Variants in TMEM132D observed in about 807,000 individuals in gnomAD.
TMEM132D encodes the protein mature OL transmembrane protein.
A neutral mutation model predicts 62.3 loss-of-function variants in TMEM132D; 21 were observed. That is an observed-to-expected ratio of 0.34 (90% CI 0.24 to 0.49). The LOEUF (loss-of-function observed/expected upper bound fraction) is 0.49, where lower values mean the gene tolerates loss of function less well. TMEM132D is among the 20% of genes least tolerant of loss of function. TMEM132D has a pLI of 0.99. For missense variants in TMEM132D, 1,346 were observed against 1,402.8 expected (o/e 0.96, Z 0.65); for synonymous variants, 621 against 575.6 (o/e 1.08, Z -1.13).
chr12:129,710,522 C>G (rs752513952), intron 1 of TMEM132D, among the ~76,000 whole-genome samples: 7 of 152,138 alleles, frequency 4.6e-5, no homozygotes, highest in Non-Finnish European at 8.8e-5. Context: ...GTCTCGAACT[C>G]CCGACCTCAG....
intron 5 of TMEM132D, among the ~76,000 whole-genome samples, chr12:129,192,844 T>C (rs1057356383): frequency 1.3e-5 from 2 of 152,144 alleles, no homozygotes; most frequent in Non-Finnish European, 2.9e-5. Flanking sequence ...AATCACTATA[T>C]ACAACACTAC....
intron 1 of TMEM132D, among the ~76,000 whole-genome samples, chr12:129,874,163 A>G (rs1470898318): frequency 6.6e-6 from 1 of 152,236 alleles, no homozygotes; most frequent in East Asian, 1.9e-4. Context: ...AAGTCTTCTT[A>G]CCACAAAATA....
chr12:129,767,200 T>C (rs943573623), intron 1 of TMEM132D, among the ~76,000 whole-genome samples: 13 of 152,234 alleles, frequency 8.5e-5, no homozygotes, highest in South Asian at 2.1e-4. Context: ...CTGAAAAGCA[T>C]AAAAGCTTTC....
At chr12:129,441,841 A>G (rs1232414829) in intron 3 of TMEM132D, among the ~76,000 whole-genome samples, 5 of 152,220 alleles carry the variant, frequency 3.3e-5, no homozygotes, top group Non-Finnish European at 5.9e-5. Flanking sequence ...TTGCAGCAAC[A>G]TGGATGCAGT....
chr12:129,213,256 G>A (rs1000291066), intron 4 of TMEM132D, among the ~76,000 whole-genome samples: 7 of 152,198 alleles, frequency 4.6e-5, no homozygotes, highest in African/African-American at 1.7e-4. Context: ...CCTTTGGGAG[G>A]CTGAGGCAGG....
chr12:129,824,022 T>A (rs1228410282), intron 1 of TMEM132D, among the ~76,000 whole-genome samples: 1 of 152,104 alleles, frequency 6.6e-6, no homozygotes, highest in Admixed American at 6.6e-5. Context: ...ATGACAGCCC[T>A]GTGAGGGACA....
At chr12:129,583,297 G>A (rs1049175528) in intron 2 of TMEM132D, among the ~76,000 whole-genome samples, 1 of 152,190 alleles carries the variant, frequency 6.6e-6, no homozygotes, top group African/African-American at 2.4e-5. Flanking sequence ...CTATAGTGAT[G>A]GGAAGCAGAT....
chr12:129,812,809 A>G lies in TMEM132D; in HGVS notation c.79+90452T>C, dbSNP rs192758823. Among the ~76,000 whole-genome samples, 222 of 151,626 alleles carry G rather than the reference A, an allele frequency of 1.5e-3. 4 individuals carry two copies. The highest frequency in any genetic ancestry group is 4.9e-3 in the African/African-American group (204 of 41,348). ...AGATGTGGCCCCCCTTAACCTCTCC[A>G]TACTGTCTCCCTAAGAGTTCTTCCA... On this transcript the variant is annotated intron_variant, in intron 1 of 8. Transcript: ENST00000422113.
intron 1 of TMEM132D, among the ~76,000 whole-genome samples, chr12:129,826,757 A>AG (rs1437901034): frequency 6.6e-6 from 1 of 152,202 alleles, no homozygotes; most frequent in African/African-American, 2.4e-5. Flanking sequence ...ATGGACTAGC[A>AG]GGGTCAGAGG....
chr12:129,121,248 A>T (rs982353117), intron 5 of TMEM132D, among the ~76,000 whole-genome samples: 1 of 152,074 alleles, frequency 6.6e-6, no homozygotes, highest in Non-Finnish European at 1.5e-5. Context: ...GGTGTGCACC[A>T]CCATGCCTGG....
chr12:129,503,973 CACT>C (rs1157632601), intron 3 of TMEM132D, among the ~76,000 whole-genome samples: 2 of 148,398 alleles, frequency 1.3e-5, no homozygotes, highest in African/African-American at 5.0e-5. Flanking sequence ...TCATCATCAT[CACT>C]ATTGTCATCA....
intron 2 of TMEM132D, among the ~76,000 whole-genome samples, chr12:129,562,170 A>C (rs1877252843): frequency 6.6e-6 from 1 of 152,224 alleles, no homozygotes; most frequent in Admixed American, 6.5e-5. Context: ...CCAAAATCCC[A>C]GGTATTTGAG....
At chr12:129,796,971 C>A (rs753296062) in intron 1 of TMEM132D, among the ~76,000 whole-genome samples, 2 of 152,262 alleles carry the variant, frequency 1.3e-5, no homozygotes, top group Admixed American at 6.5e-5. Flanking sequence ...CTTTAGAAGG[C>A]CTCTCTCAAA....
rs773542582 is a variant in TMEM132D at position 129,081,939 on chromosome 12, C to T, written c.1743G>A (p.Thr581=). ...GGCCGGCCGCCTCAGCCACAAACTG[C>T]GTCAGGACCCGCACCATGGCGTGCT... ...QYQHAMVRVL[T]QFVAEAAGPG... Residue 581 remains threonine, a synonymous_variant, in exon 7 of 9, where the codon ACG becomes ACA. Coordinates refer to ENST00000422113, the MANE Select transcript of TMEM132D (RefSeq NM_133448.3). 7.4e-5 allele frequency: 119 copies of T among 1,613,926 alleles called. No homozygotes were observed. The highest frequency in any genetic ancestry group is 2.6e-4 in the South Asian group (24 of 91,082).
At chr12:129,598,852 T>C (rs953502852) in intron 2 of TMEM132D, among the ~76,000 whole-genome samples, 4 of 152,180 alleles carry the variant, frequency 2.6e-5, no homozygotes, top group Non-Finnish European at 4.4e-5. Context: ...GGAGTACATG[T>C]GGATGAGTGG....
chr12:129,638,443 T>C (rs966525863), intron 2 of TMEM132D, among the ~76,000 whole-genome samples: 16 of 151,258 alleles, frequency 1.1e-4, no homozygotes, highest in Admixed American at 8.6e-4. Context: ...AAATTAAATT[T>C]CCTACTTTCA....
chr12:129,467,599 T>C (rs1195563376), intron 3 of TMEM132D, among the ~76,000 whole-genome samples: 1 of 152,188 alleles, frequency 6.6e-6, no homozygotes, highest in Non-Finnish European at 1.5e-5. Flanking sequence ...CTCTGCACCC[T>C]CGGGTATCAC....
intron 5 of TMEM132D, among the ~76,000 whole-genome samples, chr12:129,086,201 C>CGCGCGCGCGCGT (rs1349816832): frequency 2.1e-5 from 3 of 141,038 alleles, no homozygotes; most frequent in African/African-American, 8.4e-5. Flanking sequence ...CACGCGCGCG[C>CGCGCGCGCGCGT]GTGTGTGTGT....
chr12:129,244,334 C>T (rs557683262), intron 4 of TMEM132D, among the ~76,000 whole-genome samples: 94 of 147,270 alleles, frequency 6.4e-4, no homozygotes, highest in Non-Finnish European at 1.0e-3. Flanking sequence ...TGCAGTGAGC[C>T]GAGATCGCGC....
Sources: gnomAD v4.1 joint callset for allele counts (sites outside exome capture counted in the v4.1 genomes callset) on GRCh38, gnomAD v4.1.1 for gene constraint, MANE v1.5 for transcripts, NCBI Gene and HGNC (gene_info 2026-07-23, HGNC 2026-07-21) for gene names.